CCR9: variants seen among roughly 807,000 people sequenced by gnomAD.
CCR9 encodes the protein C-C motif chemokine receptor 9, also known as C-C chemokine receptor type 9.
CCR9 carries 4 observed loss-of-function variants against 8.7 expected under a neutral mutation model. The ratio of observed to expected loss-of-function variants is 0.46; its 90% CI spans 0.23 to 1.06. The LOEUF is 1.06. CCR9 is among the 50% of genes least tolerant of loss of function. The probability of loss-of-function intolerance (pLI) is 0.21; values close to 1 mark genes in which losing one functional copy is unlikely to be tolerated. For synonymous variants in CCR9, 159 were observed against 168.8 expected (o/e 0.94, Z 0.45); for missense variants, 394 against 453.6 (o/e 0.87, Z 1.19).
chr3:45,890,352 T>TATATATATAAC lies in CCR9; in HGVS notation c.-29+3706_-29+3707insACATATATATA, dbSNP rs1702138257. Among the ~76,000 whole-genome samples the TATATATATAAC allele has an allele frequency of 2.5e-4, 4 of 16,170 alleles. 1 individual carries two copies. The highest frequency in any genetic ancestry group is 9.9e-4 in the African/African-American group (4 of 4,032). The allele number at this position is 16,170 out of a possible 152,430, so 10.6% of individuals were successfully genotyped here. On this transcript the variant is annotated intron_variant, in intron 1 of 2. Coordinates refer to ENST00000357632, the MANE Select transcript of CCR9 (RefSeq NM_031200.3). ...ATATATATAACATATATATATAACATATATATATATATAACATATATAAAG... is the reference window on the plus strand; with the variant it reads ...ATATATATAACATATATATATAACATATATATATAACATATATATATATAACATATATAAAG...
chr3:45,901,323 C>G lies in CCR9; in HGVS notation c.535C>G (p.Leu179Val). The G allele has an allele frequency of 4.3e-6, 7 of 1,614,188 alleles. No individual in the cohort carries two copies. Among genetic ancestry groups the G allele is most frequent in the Non-Finnish European group, 5.1e-6 (6 of 1,180,030 alleles). Residue 179 changes from leucine to valine, a missense_variant, in exon 3 of 3, where the codon CTC becomes GTC. Leu to Val is a conservative substitution (Grantham distance 32, BLOSUM62 1). Coordinates refer to ENST00000357632, the MANE Select transcript of CCR9 (RefSeq NM_031200.3). The surrounding 1 kb of genome is among the most constrained non-coding windows in gnomAD (Gnocchi z 4.3). ...TACCATCTGGGTATTGGCAGCTGCT[C>G]TCTGCATCCCAGAAATCTTATACAG... ...CFTIWVLAAA[L>V]CIPEILYSQI...
intron 2 of CCR9, among the ~76,000 whole-genome samples, chr3:45,896,171 T>C (rs1448301278): frequency 6.6e-6 from 1 of 152,252 alleles, no homozygotes; most frequent in Admixed American, 6.5e-5. Flanking sequence ...CTGCATTAAA[T>C]TCACCTTTCA....
At chr3:45,897,689 TC>T in intron 2 of CCR9, 1 of 1,314,486 alleles carries the variant, frequency 7.6e-7, no homozygotes, top group Non-Finnish European at 1.0e-6. Context: ...TCTCATTTGT[TC>T]CCCAGGAACC....
Position 45,901,328 on chromosome 3 carries a change from C to A in CCR9, c.540C>A (p.Cys180Ter). ...TCTGGGTATTGGCAGCTGCTCTCTG[C>A]ATCCCAGAAATCTTATACAGCCAAA... is the stretch of plus-strand genomic sequence containing the variant. The part of the protein sequence containing the change: ...FTIWVLAAAL[C>*]IPEILYSQIK... The change falls in exon 3 of 3, where the codon TGC becomes TGA. Residue 180 changes from cysteine to a stop codon, truncating the protein, a stop_gained. Coordinates refer to ENST00000357632, the MANE Select transcript of CCR9 (RefSeq NM_031200.3). LOFTEE classifies it low-confidence loss of function (END_TRUNC). The surrounding 1 kb of genome is among the most constrained non-coding windows in gnomAD (Gnocchi z 4.3). 6.2e-7 allele frequency: 1 copy of A among 1,614,174 alleles called. No individual in the cohort carries two copies. Among genetic ancestry groups the A allele is most frequent in the African/African-American group, 1.3e-5 (1 of 75,042 alleles).
intron 1 of CCR9, among the ~76,000 whole-genome samples, chr3:45,887,145 A>G (rs1384508928): frequency 1.3e-5 from 2 of 152,182 alleles, no homozygotes; most frequent in African/African-American, 4.8e-5. Flanking sequence ...ATACGGTTCT[A>G]TGTTGAATTG....
intron 1 of CCR9, among the ~76,000 whole-genome samples, chr3:45,891,065 T>C (rs1702165345): frequency 6.6e-6 from 1 of 152,236 alleles, no homozygotes; most frequent in Non-Finnish European, 1.5e-5. Context: ...TTTCTGTATT[T>C]GTCAAATTTC....
At chr3:45,887,096 T>C (rs531120720) in intron 1 of CCR9, among the ~76,000 whole-genome samples, 132 of 152,252 alleles carry the variant, frequency 8.7e-4, no homozygotes, top group African/African-American at 2.9e-3. Flanking sequence ...TTGTGATGTA[T>C]CTAGACAATG....
At chr3:45,895,157 G>A in intron 2 of CCR9, 1 of 610,968 alleles carries the variant, frequency 1.6e-6, no homozygotes, top group Non-Finnish European at 2.9e-6. Flanking sequence ...GCTATGCTTT[G>A]GGGTATGTTG....
At position 45,902,023 on chromosome 3, in the gene CCR9, A is replaced by C; in HGVS notation, c.*125A>C. 1 of 804,442 alleles carries C rather than the reference A, an allele frequency of 1.2e-6. No individual in the cohort carries two copies. Among genetic ancestry groups the C allele is most frequent in the Non-Finnish European group, 1.9e-6 (1 of 515,706 alleles). 49.8% of individuals were successfully genotyped at this position (804,442 alleles called of 1,614,324 possible). The stretch of plus-strand genomic sequence containing the variant: ...ACTCAGAAAGGGATGAATCTGAACT[A>C]TATGATTACTTGTAGTCAGAATTTG... On this transcript the variant is annotated 3_prime_UTR_variant, in exon 3 of 3. Transcript: ENST00000357632.
chr3:45,894,470 C>T (rs1008103320), intron 1 of CCR9, among the ~76,000 whole-genome samples: 4 of 152,126 alleles, frequency 2.6e-5, no homozygotes, highest in Non-Finnish European at 4.4e-5. Context: ...TTCGGTGAGT[C>T]CCTTAGCTGA....
At chr3:45,895,436 C>T (rs1244824406) in intron 2 of CCR9, among the ~76,000 whole-genome samples, 1 of 152,204 alleles carries the variant, frequency 6.6e-6, no homozygotes, top group African/African-American at 2.4e-5. Flanking sequence ...TCAGTCTGGG[C>T]GTGGTAGCTC....
In CCR9 at chr3:45,900,787, T is replaced by A; in HGVS notation, c.22-23T>A. On this transcript the variant is annotated intron_variant, in intron 2 of 2. Coordinates refer to ENST00000357632, the MANE Select transcript of CCR9 (RefSeq NM_031200.3). This position sits in a 1 kb window ranked among gnomAD's most constrained non-coding sequence, Gnocchi z 4.7. ...CTTCAAAATATTTTCCTTGACCTAA[T>A]GCCATCTTGTGTCCCCTTGCAGAGC... 6.3e-7 allele frequency: 1 copy of A among 1,592,122 alleles called. No homozygotes were observed. The highest frequency in any genetic ancestry group is 2.2e-5 in the East Asian group (1 of 44,614).
rs199576272 is a variant in CCR9, at chr3:45,902,100, G to T, written c.*202G>T. ...GACTAGTGCAGGAGGCTGTTGATTGGCTCTTGACTGTGATGCCCGCAATTC... is the reference window on the plus strand; with the variant it reads ...GACTAGTGCAGGAGGCTGTTGATTGTCTCTTGACTGTGATGCCCGCAATTC... On this transcript the variant is annotated 3_prime_UTR_variant, in exon 3 of 3. Transcript: ENST00000357632. The T allele has an allele frequency of 1.9e-6, 1 of 532,062 alleles. No homozygotes were observed. The highest frequency in any genetic ancestry group is 3.4e-5 in the South Asian group (1 of 29,700). 33.0% of individuals were successfully genotyped at this position (532,062 alleles called of 1,614,324 possible).
Position 45,900,024 on chromosome 3 carries a change from T to C in CCR9, c.22-786T>C, listed in dbSNP as rs1339498672. 6.6e-6 allele frequency among the ~76,000 whole-genome samples: 1 copy of C among 152,218 alleles called. No homozygotes were observed. Among genetic ancestry groups the C allele is most frequent in the East Asian group, 1.9e-4 (1 of 5,196 alleles). On this transcript the variant is annotated intron_variant, in intron 2 of 2. Coordinates refer to ENST00000357632, the MANE Select transcript of CCR9 (RefSeq NM_031200.3). The surrounding 1 kb of genome is among the most constrained non-coding windows in gnomAD (Gnocchi z 4.7). The stretch of plus-strand genomic sequence containing the variant: ...TGGCATGTTTGTGTACGAGAGCATG[T>C]GCAAGTGCATGTATTATGTGTATGC...
At chr3:45,897,055 C>T (rs921962471) in intron 2 of CCR9, among the ~76,000 whole-genome samples, 3 of 152,204 alleles carry the variant, frequency 2.0e-5, no homozygotes, top group Non-Finnish European at 4.4e-5. Context: ...GGGAAGAGGA[C>T]GTGCCTGTGT....
rs2125762150 is a variant in CCR9 at position 45,901,335 on chromosome 3, G to C, written c.547G>C (p.Glu183Gln). The change falls in exon 3 of 3, where the codon GAA becomes CAA. Residue 183 changes from glutamate to glutamine, a missense_variant. Coordinates refer to ENST00000357632, the MANE Select transcript of CCR9 (RefSeq NM_031200.3). This position sits in a 1 kb window ranked among gnomAD's most constrained non-coding sequence, Gnocchi z 4.3. The stretch of plus-strand genomic sequence containing the variant: ...ATTGGCAGCTGCTCTCTGCATCCCA[G>C]AAATCTTATACAGCCAAATCAAGGA... ...WVLAAALCIP[E>Q]ILYSQIKEES... is the part of the protein sequence containing the mutation. 6.2e-7 allele frequency: 1 copy of C among 1,614,178 alleles called. No individual in the cohort carries two copies. The highest frequency in any genetic ancestry group is 2.2e-5 in the East Asian group (1 of 44,882).
intron 2 of CCR9, among the ~76,000 whole-genome samples, chr3:45,897,009 C>T (rs913287731): frequency 4.8e-4 from 73 of 152,296 alleles, no homozygotes; most frequent in African/African-American, 1.6e-3. Flanking sequence ...ACAACTGGGA[C>T]GCCTGGGCTG....
At chr3:45,889,100 G>A (rs185473857) in intron 1 of CCR9, among the ~76,000 whole-genome samples, 23 of 152,276 alleles carry the variant, frequency 1.5e-4, no homozygotes, top group East Asian at 3.9e-4. Context: ...ATTGTCCTGC[G>A]TCAGCCAGCT....
chr3:45,900,242 G>A lies in CCR9; in HGVS notation c.22-568G>A, dbSNP rs1702506324. Among the ~76,000 whole-genome samples the A allele has an allele frequency of 6.6e-6, 1 of 152,066 alleles. No individual in the cohort carries two copies. The highest frequency in any genetic ancestry group is 2.1e-4 in the South Asian group (1 of 4,804). On this transcript the variant is annotated intron_variant, in intron 2 of 2. Transcript: ENST00000357632. This position sits in a 1 kb window ranked among gnomAD's most constrained non-coding sequence, Gnocchi z 4.7. Reference sequence around the variant, plus strand: ...GTCATGGTGCTTGTGTGTGTATGTAGGGTTGAGAGTGTCTGTGTGTGTATG... The same window carrying A: ...GTCATGGTGCTTGTGTGTGTATGTAAGGTTGAGAGTGTCTGTGTGTGTATG...
Sources: allele counts gnomAD v4.1 joint callset (sites outside exome capture counted in the v4.1 genomes callset), GRCh38; gene constraint gnomAD v4.1.1; non-coding constraint Gnocchi (gnomAD v3.1); transcripts MANE v1.5; gene names NCBI Gene and HGNC (gene_info 2026-07-23, HGNC 2026-07-21).